SYK: variants seen among roughly 807,000 people sequenced by gnomAD.
The protein encoded by SYK is spleen associated tyrosine kinase.
SYK carries 16 observed loss-of-function variants against 77.8 expected under a neutral mutation model. The ratio of observed to expected loss-of-function variants is 0.21; its 90% CI spans 0.14 to 0.31. The LOEUF (loss-of-function observed/expected upper bound fraction) is 0.31, where lower values mean the gene tolerates loss of function less well. Ranked by LOEUF, SYK falls within the 10% of genes least tolerant of loss-of-function variation. The pLI is 1.00. For synonymous variants in SYK, 312 were observed against 308.7 expected (o/e 1.01, Z -0.11); for missense variants, 529 against 814.4 (o/e 0.65, Z 4.26).
intron 1 of SYK, among the ~76,000 whole-genome samples, chr9:90,809,405 A>T (rs950205108): frequency 8.5e-5 from 13 of 152,226 alleles, no homozygotes; most frequent in Admixed American, 5.2e-4. Context: ...ATCCCTATCC[A>T]CTACTCTAAT....
chr9:90,828,288 G>A (rs1825748340), intron 1 of SYK, among the ~76,000 whole-genome samples: 1 of 139,864 alleles, frequency 7.1e-6, no homozygotes, highest in African/African-American at 2.6e-5. Flanking sequence ...AAGGATCTTG[G>A]GATGGGTACC....
intron 1 of SYK, among the ~76,000 whole-genome samples, chr9:90,831,073 C>A (rs1313140137): frequency 6.6e-6 from 1 of 152,144 alleles, no homozygotes; most frequent in Non-Finnish European, 1.5e-5. Context: ...GATTTTTGTT[C>A]CCTTAAATGG....
intron 1 of SYK, among the ~76,000 whole-genome samples, chr9:90,823,973 T>C (rs879454436): frequency 4.0e-5 from 6 of 150,726 alleles, no homozygotes; most frequent in Non-Finnish European, 5.9e-5. Context: ...TTCTTTGAAA[T>C]CATCAACCAA....
chr9:90,855,610 C>T (rs867917701), intron 3 of SYK, among the ~76,000 whole-genome samples: 36 of 151,958 alleles, frequency 2.4e-4, no homozygotes, highest in Admixed American at 1.3e-3. Context: ...GTTTATCCTG[C>T]AGGGCCACCC....
At chr9:90,848,322 C>T (rs561923689) in intron 3 of SYK, among the ~76,000 whole-genome samples, 2 of 152,344 alleles carry the variant, frequency 1.3e-5, no homozygotes, top group South Asian at 4.1e-4. Flanking sequence ...TCACCAGATC[C>T]TGTGGCTGCC....
At chr9:90,831,671 T>G (rs1431635121) in intron 1 of SYK, among the ~76,000 whole-genome samples, 1 of 152,206 alleles carries the variant, frequency 6.6e-6, no homozygotes, top group East Asian at 1.9e-4. Context: ...AAATCAATAC[T>G]CACAGCACTT....
At chr9:90,886,254 A>G (rs906215009) in intron 11 of SYK, among the ~76,000 whole-genome samples, 2 of 152,224 alleles carry the variant, frequency 1.3e-5, no homozygotes, top group African/African-American at 2.4e-5. Flanking sequence ...TACAAACACA[A>G]TGAGATACCA....
chr9:90,855,768 A>T (rs1490797423), intron 3 of SYK, among the ~76,000 whole-genome samples: 1 of 151,758 alleles, frequency 6.6e-6, no homozygotes, highest in African/African-American at 2.4e-5. Context: ...AAAAGCACAG[A>T]TGTCTGCGTT....
chr9:90,876,539 A>G (rs1208910934), intron 9 of SYK, among the ~76,000 whole-genome samples: 1 of 152,210 alleles, frequency 6.6e-6, no homozygotes, highest in Non-Finnish European at 1.5e-5. Flanking sequence ...ATTTTGTACA[A>G]TGAGTAAAAA....
At chr9:90,811,140 C>T (rs1392512177) in intron 1 of SYK, among the ~76,000 whole-genome samples, 2 of 152,076 alleles carry the variant, frequency 1.3e-5, no homozygotes, top group Non-Finnish European at 2.9e-5. Flanking sequence ...TATTCACACT[C>T]ATCACAAGAT....
intron 1 of SYK, among the ~76,000 whole-genome samples, chr9:90,832,195 A>G (rs890577240): frequency 1.3e-5 from 2 of 152,238 alleles, no homozygotes; most frequent in Non-Finnish European, 1.5e-5. Context: ...TGGTGATTTT[A>G]TAGAGCATAA....
At chr9:90,873,649 G>T (rs1029426143) in intron 7 of SYK, among the ~76,000 whole-genome samples, 1 of 152,178 alleles carries the variant, frequency 6.6e-6, no homozygotes, top group Admixed American at 6.5e-5. Context: ...TTACTGACCA[G>T]TGCCACCCTC....
chr9:90,877,904 G>T (rs2118889922), intron 10 of SYK, 124 bp downstream of exon 10: 1 of 921,304 alleles, frequency 1.1e-6, no homozygotes, highest in Non-Finnish European at 1.7e-6. Flanking sequence ...TTCCTTTATT[G>T]GTCCATACTC....
rs1340104949 is a variant in SYK at position 90,878,821 on chromosome 9, G to A, written c.1449G>A (p.Lys483=). The change falls in exon 11 of 14, where the codon AAG becomes AAA. Residue 483 remains lysine (K), a synonymous_variant. Coordinates refer to ENST00000375754, the MANE Select transcript of SYK (RefSeq NM_003177.7). ...ELVHQVSMGM[K]YLEESNFVHR... is the part of the protein sequence containing the mutation. ...TTCATCAGGTTTCCATGGGCATGAA[G>A]TACTTGGAGGAGAGCAATTTTGTGC... 2.5e-6 allele frequency: 4 copies of A among 1,614,028 alleles called. No homozygotes were observed. Among genetic ancestry groups the A allele is most frequent in the Non-Finnish European group, 3.4e-6 (4 of 1,179,992 alleles).
intron 13 of SYK, among the ~76,000 whole-genome samples, chr9:90,893,265 T>A (rs79040646): frequency 0.012 from 1,902 of 152,346 alleles, 35 homozygotes; most frequent in African/African-American, 0.043. Context: ...TGGGGTTTTT[T>A]AAGCCCTCTC....
intron 1 of SYK, among the ~76,000 whole-genome samples, chr9:90,824,671 CTCTT>C (rs1413725085): frequency 6.6e-6 from 1 of 151,600 alleles, no homozygotes; most frequent in African/African-American, 2.4e-5. Context: ...ACTCAAAACA[CTCTT>C]TCATGTCAAA....
At chr9:90,834,019 C>T (rs1051911301) in intron 1 of SYK, among the ~76,000 whole-genome samples, 2 of 152,174 alleles carry the variant, frequency 1.3e-5, no homozygotes, top group East Asian at 1.9e-4. Context: ...AATCTGACTC[C>T]GTTCTAGATT....
Position 90,884,722 on chromosome 9 carries a change from CAT to C in SYK, c.1582-3024_1582-3023del, listed in dbSNP as rs1288788998. On this transcript the variant is annotated intron_variant, in intron 11 of 13. Coordinates refer to ENST00000375754, the MANE Select transcript of SYK (RefSeq NM_003177.7). ...GTACATGTACATATACACATATACA[CAT>C]ATGTGTACATGTACATATACACATA... Among the ~76,000 whole-genome samples, 13 of 40,434 alleles carry C rather than the reference CAT, an allele frequency of 3.2e-4. 5 individuals carry two copies. The highest frequency in any genetic ancestry group is 1.7e-3 in the Admixed American group (6 of 3,592). The allele number at this position is 40,434 out of a possible 152,430, so 26.5% of individuals were successfully genotyped here.
chr9:90,835,574 T>C (rs1826045007), intron 1 of SYK, among the ~76,000 whole-genome samples: 2 of 152,086 alleles, frequency 1.3e-5, no homozygotes, highest in Non-Finnish European at 2.9e-5. Context: ...CTGTGCACAG[T>C]TGGAAGACGG....
Sources: gnomAD v4.1 joint callset for allele counts (sites outside exome capture counted in the v4.1 genomes callset) on GRCh38, gnomAD v4.1.1 for gene constraint, MANE v1.5 for transcripts, NCBI Gene and HGNC (gene_info 2026-07-23, HGNC 2026-07-21) for gene names.